The following TUSC3 variants were observed in gnomAD, a reference collection of about 807,000 sequenced individuals.
TUSC3 encodes dolichyl-diphosphooligosaccharide--protein glycosyltransferase subunit TUSC3.
In TUSC3, 45 loss-of-function variants were observed where a neutral mutation model predicts 44.8. The ratio of observed to expected loss-of-function variants is 1.00; its 90% CI spans 0.79 to 1.29. The LOEUF is 1.29. TUSC3 is among the 50% of genes most tolerant of loss of function. The probability of loss-of-function intolerance (pLI) is 0.00; values close to 1 mark genes in which losing one functional copy is unlikely to be tolerated. For synonymous variants in TUSC3, 212 were observed against 152.9 expected (o/e 1.39, Z -2.85); for missense variants, 519 against 437.9 (o/e 1.19, Z -1.65).
rs532859051 is a variant in TUSC3 at position 15,468,533 on chromosome 8, G to A, written n.92-14853G>A. 1.5e-4 allele frequency among the ~76,000 whole-genome samples: 23 copies of A among 152,168 alleles called. 1 individual carries two copies. Among genetic ancestry groups the A allele is most frequent in the African/African-American group, 5.3e-4 (22 of 41,520 alleles). ...TTTCCCTCTTCACTCTGTCAAATTA[G>A]CATGAGTTATACATTACTAGATATT... On this transcript the variant is annotated intron_variant and non_coding_transcript_variant, in intron 1 of 5. Transcript: ENST00000503191.
At chr8:15,727,578 GAC>G (rs1554482571) in intron 6 of TUSC3, among the ~76,000 whole-genome samples, 1 of 151,952 alleles carries the variant, frequency 6.6e-6, no homozygotes, top group Non-Finnish European at 1.5e-5. Flanking sequence ...TGATTTTGAA[GAC>G]ACACACAAAA....
chr8:15,744,101 T>C (rs910012862), intron 8 of TUSC3, among the ~76,000 whole-genome samples: 2 of 152,188 alleles, frequency 1.3e-5, no homozygotes. Context: ...TTAACATTTT[T>C]TAAAAGGCAT....
At chr8:15,799,157 G>C in the TUSC3 span, among the ~76,000 whole-genome samples, 123 of 152,254 alleles carry the variant, frequency 8.1e-4, no homozygotes, top group African/African-American at 2.9e-3. Flanking sequence ...AGTCCGTGTA[G>C]GGTTGTCTTA....
At position 15,435,811 on chromosome 8, in the gene TUSC3, A is replaced by G. The variant is rs569044278; in HGVS notation, n.91+18506A>G. On this transcript the variant is annotated intron_variant and non_coding_transcript_variant, in intron 1 of 5. Coordinates refer to the TUSC3 transcript ENST00000503191. ...GCGTTGCAATTTCCATATAGAGTTT[A>G]ATGAACAACTTGAACAATGGTTCTT... is the stretch of plus-strand genomic sequence containing the variant. Among the ~76,000 whole-genome samples, 39 of 152,342 alleles carry G rather than the reference A, an allele frequency of 2.6e-4. No individual in the cohort carries two copies. The South Asian group carries it at 7.5e-3, about 29-fold the overall frequency.
chr8:15,568,478 C>T (rs966875106), intron 1 of TUSC3, among the ~76,000 whole-genome samples: 22 of 152,174 alleles, frequency 1.4e-4, no homozygotes, highest in Middle Eastern at 3.4e-3. Context: ...GTCCATTTTG[C>T]CTAAACTAGA....
At chr8:15,501,789 A>G (rs943819095) in intron 2 of TUSC3, among the ~76,000 whole-genome samples, 1 of 152,142 alleles carries the variant, frequency 6.6e-6, no homozygotes, top group Non-Finnish European at 1.5e-5. Context: ...TGCCTTACTT[A>G]TTTGTTTTCA....
At chr8:15,537,100 C>T (rs1423668506), upstream of TUSC3, among the ~76,000 whole-genome samples, 2 of 152,002 alleles carry the variant, frequency 1.3e-5, no homozygotes, top group Non-Finnish European at 2.9e-5. Context: ...AAGAGCCAGG[C>T]ACCCTTTTAG....
intron 2 of TUSC3, among the ~76,000 whole-genome samples, chr8:15,532,198 C>T (rs76748766): frequency 0.016 from 2,497 of 151,914 alleles, 90 homozygotes; most frequent in African/African-American, 0.056. Flanking sequence ...TGTTTCTGTT[C>T]CTCTGCCTTT....
the TUSC3 span, among the ~76,000 whole-genome samples, chr8:15,821,753 G>C: frequency 2.2e-4 from 33 of 150,920 alleles, no homozygotes; most frequent in Non-Finnish European, 2.9e-4. Context: ...AGAGCCCACA[G>C]ATATGGGTAA....
At chr8:15,729,064 A>G (rs1206012014) in intron 6 of TUSC3, among the ~76,000 whole-genome samples, 1 of 152,206 alleles carries the variant, frequency 6.6e-6, no homozygotes, top group East Asian at 1.9e-4. Flanking sequence ...GAAAATAAAC[A>G]GAAGAGATTA....
At chr8:15,849,313 C>CAA in the TUSC3 span, among the ~76,000 whole-genome samples, 1 of 151,984 alleles carries the variant, frequency 6.6e-6, no homozygotes, top group Non-Finnish European at 1.5e-5. Context: ...TACCTAAAAC[C>CAA]AAACATTTAG....
Position 15,592,957 on chromosome 8 carries a change from C to G in TUSC3, c.139-30123C>G, listed in dbSNP as rs147174551. 3.2e-4 allele frequency among the ~76,000 whole-genome samples: 48 copies of G among 152,262 alleles called. No homozygotes were observed. In the East Asian group the frequency reaches 8.7e-3, roughly 28 times the overall value. On this transcript the variant is annotated intron_variant, in intron 1 of 10. Coordinates refer to ENST00000503731, the MANE Select transcript of TUSC3 (RefSeq NM_006765.4). Reference sequence around the variant, plus strand: ...TCTTGAGCCCATGCACTTCAAACCACTTAGCTATAGTGCTTATGAATTTTG... The same window carrying G: ...TCTTGAGCCCATGCACTTCAAACCAGTTAGCTATAGTGCTTATGAATTTTG...
At chr8:15,596,069 A>G (rs969706818) in intron 1 of TUSC3, among the ~76,000 whole-genome samples, 4 of 152,352 alleles carry the variant, frequency 2.6e-5, no homozygotes, top group Admixed American at 6.5e-5. Flanking sequence ...CTAGTCTCTC[A>G]TCTAAAGTGA....
At chr8:15,488,206 CTCT>C (rs1800759112) in intron 2 of TUSC3, among the ~76,000 whole-genome samples, 3 of 152,078 alleles carry the variant, frequency 2.0e-5, no homozygotes, top group African/African-American at 7.2e-5. Flanking sequence ...ACTTATTTAT[CTCT>C]AAAGTGTTTT....
intron 2 of TUSC3, among the ~76,000 whole-genome samples, chr8:15,624,602 A>G (rs1038998775): frequency 3.3e-5 from 5 of 152,164 alleles, no homozygotes; most frequent in Admixed American, 6.5e-5. Flanking sequence ...TCATCTATGT[A>G]TCATCTTTAA....
chr8:15,773,607 T>A, the TUSC3 span, among the ~76,000 whole-genome samples: 1 of 152,138 alleles, frequency 6.6e-6, no homozygotes, highest in East Asian at 1.9e-4. Context: ...TGAAAATGCA[T>A]GGGGTCCTGA....
chr8:15,767,481 T>A (rs2543111), downstream of TUSC3, among the ~76,000 whole-genome samples: 113,644 of 150,478 alleles, frequency 0.76, 42,959 homozygotes, highest in East Asian at 0.79. Flanking sequence ...AAATTTGTTT[T>A]AAAAAAAAAA....
chr8:15,601,734 A>G (rs1287164574), intron 1 of TUSC3, among the ~76,000 whole-genome samples: 1 of 151,664 alleles, frequency 6.6e-6, no homozygotes, highest in Non-Finnish European at 1.5e-5. Context: ...GTACAGTGGT[A>G]TTATGTATAG....
intron 6 of TUSC3, among the ~76,000 whole-genome samples, chr8:15,679,630 G>T (rs2129185115): frequency 6.6e-6 from 1 of 152,154 alleles, no homozygotes; most frequent in Non-Finnish European, 1.5e-5. Flanking sequence ...TGTTTTATTT[G>T]CAGTTGCTTT....
Sources: allele counts gnomAD v4.1 joint callset (sites outside exome capture counted in the v4.1 genomes callset), GRCh38; gene constraint gnomAD v4.1.1; transcripts MANE v1.5; gene names NCBI Gene and HGNC (gene_info 2026-07-23, HGNC 2026-07-21).